Variants in FRMPD4 observed in about 807,000 individuals in gnomAD.
FRMPD4 encodes FERM and PDZ domain-containing protein 4.
A neutral mutation model predicts 94.1 loss-of-function variants in FRMPD4; 22 were observed. The ratio of observed to expected loss-of-function variants is 0.23; its 90% CI spans 0.17 to 0.33. The LOEUF is 0.33. Among genes scored for constraint, FRMPD4 ranks in the 10% least tolerant of loss-of-function variants. The pLI is 1.00. For synonymous variants in FRMPD4, 631 were observed against 548.6 expected (o/e 1.15, Z -2.10); for missense variants, 1,111 against 1,339.9 (o/e 0.83, Z 2.67).
Position 12,218,068 on chromosome X carries a change from A to G in FRMPD4, c.41+79056A>G, listed in dbSNP as rs140999854. On this transcript the variant is annotated intron_variant, in intron 1 of 16. Transcript: ENST00000675598. Reference sequence around the variant, plus strand: ...CTGTATGATTGGACTTGAGAAATAAACTTTCTAAAAAAGAATTTTGGTCAT... The same window carrying G: ...CTGTATGATTGGACTTGAGAAATAAGCTTTCTAAAAAAGAATTTTGGTCAT... 4.7e-3 allele frequency among the ~76,000 whole-genome samples: 526 copies of G among 111,578 alleles called. 3 individuals are homozygous for G. The highest frequency in any genetic ancestry group is 7.9e-3 in the Non-Finnish European group (419 of 53,122).
At chrX:12,678,090 T>C (rs940943921) in intron 5 of FRMPD4, among the ~76,000 whole-genome samples, 1 of 112,086 alleles carries the variant, frequency 8.9e-6, no homozygotes, top group Non-Finnish European at 1.9e-5. Flanking sequence ...ATATTGTACA[T>C]ATAATTTTAT....
chrX:11,891,907 C>A (rs1054125743), intron 3 of FRMPD4, among the ~76,000 whole-genome samples: 1 of 112,122 alleles, frequency 8.9e-6, no homozygotes, highest in African/African-American at 3.2e-5. Context: ...CAGTTCCTGG[C>A]ACCTAGTAGT....
At chrX:11,883,157 G>C (rs761045112) in intron 3 of FRMPD4, among the ~76,000 whole-genome samples, 3 of 112,223 alleles carry the variant, frequency 2.7e-5, no homozygotes, top group Non-Finnish European at 5.6e-5. Flanking sequence ...TTTTTGGAGT[G>C]TAAGGGGCCT....
chrX:12,548,378 C>A (rs1345952232), intron 2 of FRMPD4, among the ~76,000 whole-genome samples: 1 of 112,514 alleles, frequency 8.9e-6, no homozygotes, highest in East Asian at 2.8e-4. Context: ...CTTTCACACC[C>A]TATGCCATTC....
intron 1 of FRMPD4, among the ~76,000 whole-genome samples, chrX:12,277,836 T>C (rs1270638741): frequency 8.9e-6 from 1 of 112,344 alleles, no homozygotes; most frequent in East Asian, 2.8e-4. Flanking sequence ...ACTGGTTTCA[T>C]TACAAGAGCT....
At chrX:11,881,064 A>G (rs1045498345) in intron 3 of FRMPD4, among the ~76,000 whole-genome samples, 1 of 112,635 alleles carries the variant, frequency 8.9e-6, no homozygotes, top group African/African-American at 3.2e-5. Flanking sequence ...AAAGATGAAG[A>G]CAAAGTTACA....
intron 1 of FRMPD4, among the ~76,000 whole-genome samples, chrX:12,164,946 T>G (rs1385747680): frequency 1.8e-5 from 2 of 112,428 alleles, no homozygotes; most frequent in Non-Finnish European, 3.8e-5. Flanking sequence ...ATTCTGGATA[T>G]TAGCCCTTTG....
chrX:11,927,503 AC>A (rs2054095999), intron 3 of FRMPD4, among the ~76,000 whole-genome samples: 1 of 111,982 alleles, frequency 8.9e-6, no homozygotes, highest in South Asian at 3.8e-4. Flanking sequence ...AAACTGTACT[AC>A]AGGGCTACAG....
At chrX:12,005,341 C>A (rs1164537654) in intron 3 of FRMPD4, among the ~76,000 whole-genome samples, 1 of 108,240 alleles carries the variant, frequency 9.2e-6, no homozygotes, top group Admixed American at 1.0e-4. Flanking sequence ...ACAGGCCATG[C>A]TTTGAATATA....
chrX:12,699,150 G>T (rs761077442), intron 9 of FRMPD4, among the ~76,000 whole-genome samples: 1 of 111,862 alleles, frequency 8.9e-6, no homozygotes, highest in South Asian at 3.8e-4. Flanking sequence ...TCCTTTATGG[G>T]ACTGTATAAA....
chrX:12,083,930 A>G (rs1407684599), intron 3 of FRMPD4, among the ~76,000 whole-genome samples: 1 of 111,847 alleles, frequency 8.9e-6, no homozygotes, highest in Non-Finnish European at 1.9e-5. Context: ...TTTTGATTTT[A>G]CAGGCTCATA....
intron 9 of FRMPD4, among the ~76,000 whole-genome samples, chrX:12,697,661 ATCTT>A (rs1467834630): frequency 1.8e-5 from 2 of 111,949 alleles, no homozygotes; most frequent in African/African-American, 6.5e-5. Context: ...GCTTAGGGAG[ATCTT>A]TCTTATTCAA....
intron 3 of FRMPD4, among the ~76,000 whole-genome samples, chrX:11,957,515 G>C (rs2054262993): frequency 1.0e-5 from 1 of 99,785 alleles, no homozygotes; most frequent in Non-Finnish European, 2.1e-5. Context: ...CAGTGAGTGA[G>C]ACCCTGTCTC....
At position 12,717,658 on chromosome X, in the gene FRMPD4, C is replaced by G; in HGVS notation, c.2832C>G (p.His944Gln). ...RMFLATHEGYHPLAEEQTEFP... is the reference protein window; with the variant it reads ...RMFLATHEGYQPLAEEQTEFP... ...TCTTGGCCACTCACGAAGGCTACCA[C>G]CCCCTTGCAGAAGAGCAGACCGAGT... Residue 944 changes from histidine (H) to glutamine (Q), a missense_variant, in exon 16 of 17, where the codon CAC (histidine) becomes CAG (glutamine). Coordinates refer to ENST00000675598, the MANE Select transcript of FRMPD4 (RefSeq NM_001368397.1). The G allele has an allele frequency of 2.5e-6, 3 of 1,211,473 alleles. No individual in the cohort carries two copies. Among genetic ancestry groups the G allele is most frequent in the South Asian group, 3.5e-5 (2 of 56,990 alleles).
At chrX:12,321,231 T>C (rs1022508343) in intron 1 of FRMPD4, among the ~76,000 whole-genome samples, 2 of 111,823 alleles carry the variant, frequency 1.8e-5, no homozygotes, top group East Asian at 2.8e-4. Context: ...TGCTCACTTA[T>C]TGGGTGGCTA....
chrX:11,865,336 T>G lies in FRMPD4; in HGVS notation c.-30+120T>G, dbSNP rs772918514. 2.7e-5 allele frequency among the ~76,000 whole-genome samples: 3 copies of G among 112,115 alleles called. No homozygotes were observed. The South Asian group carries it at 1.1e-3, about 42-fold the overall frequency. On this transcript the variant is annotated intron_variant, in intron 2 of 18. Coordinates refer to the FRMPD4 transcript ENST00000640291. ...AGTATTGTTGCAAATATAATTAGGA[T>G]GGTATTGTTTTCTTCTTCATGAACA... is the stretch of plus-strand genomic sequence containing the variant.
rs192619197 is a variant in FRMPD4 at position 12,245,352 on chromosome X, A to G, written c.41+106340A>G. Among the ~76,000 whole-genome samples the G allele has an allele frequency of 2.1e-4, 23 of 111,070 alleles. No individual in the cohort carries two copies. The East Asian group carries it at 6.2e-3, about 30-fold the overall frequency. ...GGAACTATATTTGCGGCCAGCTCTG[A>G]GGCTCATAAGCTTCTTAGCAAGACA... is the stretch of plus-strand genomic sequence containing the variant. On this transcript the variant is annotated intron_variant, in intron 1 of 16. Coordinates refer to ENST00000675598, the MANE Select transcript of FRMPD4 (RefSeq NM_001368397.1).
At chrX:12,543,854 T>C (rs1295901930) in intron 2 of FRMPD4, among the ~76,000 whole-genome samples, 13 of 109,220 alleles carry the variant, frequency 1.2e-4, no homozygotes, top group Non-Finnish European at 2.1e-4. Flanking sequence ...CCAACAATGA[T>C]AGACTGGATT....
chrX:12,651,159 G>A (rs1306756084), intron 4 of FRMPD4, among the ~76,000 whole-genome samples: 1 of 112,129 alleles, frequency 8.9e-6, no homozygotes, highest in Non-Finnish European at 1.9e-5. Context: ...CACGGACAAG[G>A]GCGCAAGCAG....
Sources: allele counts gnomAD v4.1 joint callset (sites outside exome capture counted in the v4.1 genomes callset), GRCh38; gene constraint gnomAD v4.1.1; transcripts MANE v1.5; gene names NCBI Gene and HGNC (gene_info 2026-07-23, HGNC 2026-07-21).